Variants in SCAPER observed in about 807,000 individuals in gnomAD.
SCAPER encodes the protein S-phase cyclin A associated protein in the ER.
A neutral mutation model predicts 182.2 loss-of-function variants in SCAPER; 98 were observed. The ratio of observed to expected loss-of-function variants is 0.54; its 90% CI spans 0.46 to 0.64. The LOEUF is 0.64. Among genes scored for constraint, SCAPER ranks in the 30% least tolerant of loss-of-function variants. SCAPER has a pLI of 0.00. For missense variants in SCAPER, 1,432 were observed against 1,690.0 expected, an observed-to-expected ratio of 0.85 and a Z score of 2.68; for synonymous variants, 605 against 564.6, an observed-to-expected ratio of 1.07 and a Z score of -1.01.
At chr15:76,614,496 T>C (rs1212740591) in intron 22 of SCAPER, among the ~76,000 whole-genome samples, 1 of 152,154 alleles carries the variant, frequency 6.6e-6, no homozygotes, top group Non-Finnish European at 1.5e-5. Flanking sequence ...CACAACAGGA[T>C]GAAGTTAGAA....
At chr15:76,469,170 T>C (rs1371980842) in intron 25 of SCAPER, among the ~76,000 whole-genome samples, 1 of 152,230 alleles carries the variant, frequency 6.6e-6, no homozygotes, top group Middle Eastern at 3.2e-3. Flanking sequence ...ACATTTCAAA[T>C]GCCATTCTCT....
chr15:76,362,481 T>C (rs2041503884), intron 29 of SCAPER, among the ~76,000 whole-genome samples: 1 of 151,450 alleles, frequency 6.6e-6, no homozygotes, highest in Non-Finnish European at 1.5e-5. Flanking sequence ...GGTGCCATCT[T>C]GGCTCACTGC....
chr15:76,463,562 C>T lies in SCAPER; in HGVS notation c.3078+7650G>A, dbSNP rs996316847. ...TCTCCTTGGCTCCCAAAAATACATACACACAATTTATCAGCATATTCATTA... is the reference window on the plus strand; with the variant it reads ...TCTCCTTGGCTCCCAAAAATACATATACACAATTTATCAGCATATTCATTA... On this transcript the variant is annotated intron_variant, in intron 25 of 31. Transcript: ENST00000563290. 3.9e-5 allele frequency among the ~76,000 whole-genome samples: 6 copies of T among 152,098 alleles called. No homozygotes were observed. In the South Asian group the frequency reaches 6.2e-4, roughly 16 times the overall value.
chr15:76,764,988 T>A lies in SCAPER; in HGVS notation c.1698A>T (p.Thr566=). The A allele has an allele frequency of 1.9e-6, 3 of 1,599,682 alleles. No individual in the cohort carries two copies. Among genetic ancestry groups the A allele is most frequent in the African/African-American group, 1.3e-5 (1 of 74,718 alleles). The part of the protein sequence containing the change: ...QLREKLREEK[T]LKLQKLLERE... The stretch of plus-strand genomic sequence containing the variant: ...TTTCTAACAATTTCTGAAGCTTCAA[T>A]GTTTTCTCTTCGCGTAACTTTTCCC... Residue 566 remains threonine (T), a synonymous_variant, in exon 14 of 32, where the codon ACA becomes ACT. Transcript: ENST00000563290.
chr15:76,749,819 A>G lies in SCAPER; in HGVS notation c.1866+3989T>C, dbSNP rs542621913. Among the ~76,000 whole-genome samples the G allele has an allele frequency of 3.3e-5, 5 of 152,170 alleles. No individual in the cohort carries two copies. The East Asian group carries it at 9.6e-4, about 29-fold the overall frequency. On this transcript the variant is annotated intron_variant, in intron 15 of 31. Coordinates refer to ENST00000563290, the MANE Select transcript of SCAPER (RefSeq NM_020843.4). ...TCCTCCAAATTAATCCATAAATTCA[A>G]TGCAAACCCAATTTAAACCCAGATA...
Position 76,348,734 on chromosome 15 carries a change from T to C in SCAPER, c.4102A>G (p.Lys1368Glu). The C allele has an allele frequency of 6.6e-7, 1 of 1,516,914 alleles. No homozygotes were observed. Among genetic ancestry groups the C allele is most frequent in the Admixed American group, 2.1e-5 (1 of 46,580 alleles). 94.0% of individuals were successfully genotyped at this position (1,516,914 alleles called of 1,614,324 possible). Residue 1368 changes from lysine to glutamate, a missense_variant and splice_region_variant, in exon 32 of 32, where the codon AAA (lysine) becomes GAA (glutamate). By Grantham distance (56) the Lys-to-Glu change is moderately conservative. Coordinates refer to ENST00000563290, the MANE Select transcript of SCAPER (RefSeq NM_020843.4). ...AGATAGTCTTGGGAACCAAGGCATT[T>C]CCCTGAGAGGGGGATAAAAGAGAAA... ...AENQPYQPKG[K>E]CLGSQDYLEL...
intron 23 of SCAPER, among the ~76,000 whole-genome samples, chr15:76,549,379 C>G (rs374941424): frequency 6.6e-6 from 1 of 152,058 alleles, no homozygotes; most frequent in African/African-American, 2.4e-5. Flanking sequence ...AATGATAGAC[C>G]TGATTAAGAA....
chr15:76,624,094 T>C (rs1368468721), intron 21 of SCAPER, among the ~76,000 whole-genome samples: 4 of 152,028 alleles, frequency 2.6e-5, no homozygotes, highest in Admixed American at 6.5e-5. Context: ...AACAGGAAAA[T>C]AAGTCAAATT....
intron 17 of SCAPER, among the ~76,000 whole-genome samples, chr15:76,706,202 G>C (rs1942018923): frequency 1.3e-5 from 2 of 152,082 alleles, no homozygotes; most frequent in African/African-American, 4.8e-5. Context: ...TCTGGACCCA[G>C]GCATGGCTTT....
chr15:76,414,411 C>A (rs187814695), intron 26 of SCAPER, among the ~76,000 whole-genome samples: 1 of 152,038 alleles, frequency 6.6e-6, no homozygotes, highest in East Asian at 1.9e-4. Context: ...TGAAGCTGAT[C>A]ATGTCAAACT....
intron 24 of SCAPER, among the ~76,000 whole-genome samples, chr15:76,495,147 A>G (rs1000111990): frequency 3.3e-5 from 5 of 152,176 alleles, no homozygotes; most frequent in Non-Finnish European, 5.9e-5. Context: ...TGTGGCTTTT[A>G]TCAGAAAATA....
chr15:76,391,790 A>G (rs2043717619), intron 27 of SCAPER, among the ~76,000 whole-genome samples: 1 of 152,194 alleles, frequency 6.6e-6, no homozygotes, highest in South Asian at 2.1e-4. Flanking sequence ...CTAGGTAAAT[A>G]CTTTTAACTC....
intron 10 of SCAPER, 56 bp from the exon 11 acceptor site, chr15:76,767,144 A>G: frequency 7.0e-7 from 1 of 1,431,876 alleles, no homozygotes; most frequent in African/African-American, 1.4e-5. Flanking sequence ...ACTGGAAAGT[A>G]ATCATTTTTT....
intron 26 of SCAPER, among the ~76,000 whole-genome samples, chr15:76,428,318 G>A (rs937834696): frequency 6.6e-6 from 1 of 152,126 alleles, no homozygotes; most frequent in Non-Finnish European, 1.5e-5. Context: ...GTTTATTGCA[G>A]CACTATTCAA....
chr15:76,552,111 T>TC (rs1211852132), intron 23 of SCAPER, among the ~76,000 whole-genome samples: 1 of 151,876 alleles, frequency 6.6e-6, no homozygotes, highest in Non-Finnish European at 1.5e-5. Context: ...CAAAAAGAGA[T>TC]CCTGTTTCTA....
At chr15:76,755,933 G>A (rs1463496678) in intron 14 of SCAPER, among the ~76,000 whole-genome samples, 1 of 152,142 alleles carries the variant, frequency 6.6e-6, no homozygotes, top group East Asian at 1.9e-4. Flanking sequence ...AGACCCAGAT[G>A]ACTATGACCT....
At chr15:76,405,774 G>A (rs2044783494) in intron 26 of SCAPER, among the ~76,000 whole-genome samples, 1 of 152,190 alleles carries the variant, frequency 6.6e-6, no homozygotes, top group Non-Finnish European at 1.5e-5. Flanking sequence ...TAGCAGTTCT[G>A]CAAATCAACA....
chr15:76,591,262 T>A (rs2145672056), intron 22 of SCAPER, among the ~76,000 whole-genome samples: 1 of 145,534 alleles, frequency 6.9e-6, no homozygotes, highest in East Asian at 1.9e-4. Context: ...ATAGTCGACT[T>A]AAACCAGGGT....
intron 20 of SCAPER, among the ~76,000 whole-genome samples, chr15:76,699,998 T>G (rs558410085): frequency 6.6e-5 from 10 of 152,204 alleles, no homozygotes; most frequent in African/African-American, 2.4e-4. Context: ...CAGGGGCCCA[T>G]CCACAGAAGC....
Sources: gnomAD v4.1 joint callset for allele counts (sites outside exome capture counted in the v4.1 genomes callset) on GRCh38, gnomAD v4.1.1 for gene constraint, MANE v1.5 for transcripts, NCBI Gene and HGNC (gene_info 2026-07-23, HGNC 2026-07-21) for gene names.